Variants in FUT8 observed in about 807,000 individuals in gnomAD.
FUT8 encodes the protein fucosyltransferase 8.
In FUT8, 29 loss-of-function variants were observed where a neutral mutation model predicts 71.3. The ratio of observed to expected loss-of-function variants is 0.41; its 90% CI spans 0.30 to 0.55. The LOEUF (loss-of-function observed/expected upper bound fraction) is 0.55, where lower values mean the gene tolerates loss of function less well. FUT8 is among the 20% of genes least tolerant of loss of function. The pLI, the probability that FUT8 is intolerant of heterozygous loss-of-function variation, is 0.34. For missense variants in FUT8, 544 were observed against 702.1 expected (o/e 0.77, Z 2.55); for synonymous variants, 254 against 239.3 (o/e 1.06, Z -0.57).
At chr14:65,541,540 T>C (rs1047968603) in intron 2 of FUT8, among the ~76,000 whole-genome samples, 1 of 152,204 alleles carries the variant, frequency 6.6e-6, no homozygotes, top group Non-Finnish European at 1.5e-5. Context: ...GAGGTGAAAG[T>C]ACCAGCTCAA....
chr14:65,388,309 T>C, the FUT8 span, among the ~76,000 whole-genome samples: 1 of 152,102 alleles, frequency 6.6e-6, no homozygotes, highest in South Asian at 2.1e-4. Flanking sequence ...AGGAAATATA[T>C]AGGAATATTC....
chr14:65,493,778 C>T (rs181791776), intron 2 of FUT8, among the ~76,000 whole-genome samples: 13 of 151,582 alleles, frequency 8.6e-5, no homozygotes, highest in Non-Finnish European at 4.4e-5. Context: ...CCTTGGAGGC[C>T]TCTTTGGGAA....
intron 2 of FUT8, among the ~76,000 whole-genome samples, chr14:65,499,447 ATATCT>A (rs2066611129): frequency 6.6e-6 from 1 of 152,060 alleles, no homozygotes; most frequent in African/African-American, 2.4e-5. Context: ...AAATTATTTA[ATATCT>A]TATTTTGCCA....
intron 5 of FUT8, among the ~76,000 whole-genome samples, chr14:65,617,567 A>C (rs1160639109): frequency 3.9e-5 from 6 of 152,126 alleles, no homozygotes; most frequent in Admixed American, 3.9e-4. Flanking sequence ...TTCACATCTG[A>C]AGAGGATTTG....
At chr14:65,688,395 C>CT (rs1893405655) in intron 7 of FUT8, among the ~76,000 whole-genome samples, 1 of 151,076 alleles carries the variant, frequency 6.6e-6, no homozygotes, top group South Asian at 2.1e-4. Flanking sequence ...TCCTACATGT[C>CT]TTTTTTGTAA....
intron 6 of FUT8, among the ~76,000 whole-genome samples, chr14:65,644,470 C>T (rs991794949): frequency 6.6e-6 from 1 of 152,012 alleles, no homozygotes; most frequent in African/African-American, 2.4e-5. Context: ...CGCCATTCTC[C>T]TGCCTCAGCC....
At position 65,677,985 on chromosome 14, in the gene FUT8, A is replaced by T. The variant is rs1041393763; in HGVS notation, c.835+8505A>T. ...TTACCAGGACAGATCAGTGTCATTG[A>T]TTTGGAGTCAGAAGTTATTAGCTGT... is the stretch of plus-strand genomic sequence containing the variant. On this transcript the variant is annotated intron_variant, in intron 7 of 10. Transcript: ENST00000673929. 1.1e-4 allele frequency among the ~76,000 whole-genome samples: 16 copies of T among 152,294 alleles called. No homozygotes were observed. The South Asian group carries it at 2.7e-3, about 26-fold the overall frequency.
At chr14:65,645,228 G>T (rs1360302665) in intron 6 of FUT8, among the ~76,000 whole-genome samples, 1 of 152,056 alleles carries the variant, frequency 6.6e-6, no homozygotes, top group African/African-American at 2.4e-5. Context: ...TTGACTCCAG[G>T]ATGAAAAAAG....
chr14:65,646,258 C>G (rs974761902), intron 6 of FUT8: 1 of 152,294 alleles, frequency 6.6e-6, no homozygotes, highest in East Asian at 1.9e-4. Context: ...AAGGGGTTCT[C>G]AGTCCTGCTC....
chr14:65,701,913 T>G (rs1291521925), intron 7 of FUT8, among the ~76,000 whole-genome samples: 6 of 152,340 alleles, frequency 3.9e-5, no homozygotes, highest in Non-Finnish European at 7.4e-5. Context: ...AGAGTCATTT[T>G]GAGTCTCACT....
intron 2 of FUT8, among the ~76,000 whole-genome samples, chr14:65,474,990 G>C (rs1301195342): frequency 6.6e-6 from 1 of 152,174 alleles, no homozygotes; most frequent in Non-Finnish European, 1.5e-5. Context: ...CACCTGGCTG[G>C]AAGACAGGAT....
chr14:65,365,844 CT>C, the FUT8 span, among the ~76,000 whole-genome samples: 1,482 of 146,676 alleles, frequency 0.01, 26 homozygotes, highest in African/African-American at 0.034. Context: ...ACTTTCTTTT[CT>C]TTTTTTTTTT....
At chr14:65,383,265 C>CTTTTTTTTCTTTTTTTTTTTTTT in the FUT8 span, among the ~76,000 whole-genome samples, 2 of 86,510 alleles carry the variant, frequency 2.3e-5, no homozygotes, top group African/African-American at 4.1e-5. Flanking sequence ...TTTTTCTTTT[C>CTTTTTTTTCTTTTTTTTTTTTTT]TTTTTTTTTT....
chr14:65,538,567 C>A (rs897417786), intron 2 of FUT8, among the ~76,000 whole-genome samples: 2 of 152,142 alleles, frequency 1.3e-5, no homozygotes, highest in African/African-American at 4.8e-5. Context: ...CAAGCTCTGG[C>A]TGGAGTGAGA....
chr14:65,473,031 TC>T (rs1245608767), intron 2 of FUT8, among the ~76,000 whole-genome samples: 1 of 152,192 alleles, frequency 6.6e-6, no homozygotes, highest in Non-Finnish European at 1.5e-5. Flanking sequence ...TTACATGCAG[TC>T]CCATGATCTT....
At chr14:65,536,399 C>G (rs902283760) in intron 2 of FUT8, among the ~76,000 whole-genome samples, 16 of 152,134 alleles carry the variant, frequency 1.1e-4, no homozygotes, top group South Asian at 6.2e-4. Flanking sequence ...AATGGTCTTT[C>G]CTTTCCATAT....
At chr14:65,488,852 T>C (rs1336180789) in intron 2 of FUT8, among the ~76,000 whole-genome samples, 1 of 152,080 alleles carries the variant, frequency 6.6e-6, no homozygotes, top group African/African-American at 2.4e-5. Context: ...TTTTTCAGAG[T>C]ACAGAAAAAG....
At chr14:65,514,132 C>G (rs187502370) in intron 2 of FUT8, among the ~76,000 whole-genome samples, 15 of 152,314 alleles carry the variant, frequency 9.8e-5, no homozygotes, top group African/African-American at 3.4e-4. Flanking sequence ...GGACTGGCCT[C>G]CTGTCCTATC....
chr14:65,544,321 T>C (rs971064401), intron 2 of FUT8, among the ~76,000 whole-genome samples: 1 of 152,176 alleles, frequency 6.6e-6, no homozygotes, highest in African/African-American at 2.4e-5. Context: ...TTCACAATTA[T>C]GTGAGTTTCT....
Sources: gnomAD v4.1 joint callset for allele counts (sites outside exome capture counted in the v4.1 genomes callset) on GRCh38, gnomAD v4.1.1 for gene constraint, MANE v1.5 for transcripts, NCBI Gene and HGNC (gene_info 2026-07-23, HGNC 2026-07-21) for gene names.